FAM241A: variants seen among roughly 807,000 people sequenced by gnomAD.
The protein encoded by FAM241A is family with sequence similarity 241 member A, also known as uncharacterized protein FAM241A.
FAM241A carries 7 observed loss-of-function variants against 12.2 expected under a neutral mutation model. That is an observed-to-expected ratio of 0.58 (90% confidence interval 0.33 to 1.08). FAM241A has a LOEUF of 1.08. FAM241A is among the 50% of genes least tolerant of loss of function. The probability of loss-of-function intolerance (pLI) is 0.04; values close to 1 mark genes in which losing one functional copy is unlikely to be tolerated. For missense variants in FAM241A, 161 were observed against 169.7 expected, an observed-to-expected ratio of 0.95 and a Z score of 0.29; for synonymous variants, 74 against 68.2, an observed-to-expected ratio of 1.08 and a Z score of -0.42.
intron 1 of FAM241A, among the ~76,000 whole-genome samples, chr4:112,162,814 A>G (rs1219240069): frequency 6.6e-6 from 1 of 152,242 alleles, no homozygotes; most frequent in Non-Finnish European, 1.5e-5. Flanking sequence ...CACTACTTTA[A>G]AGTTCATATG....
chr4:112,161,797 T>C (rs546959676), intron 1 of FAM241A, among the ~76,000 whole-genome samples: 1 of 152,344 alleles, frequency 6.6e-6, no homozygotes, highest in Non-Finnish European at 1.5e-5. Context: ...GAATCCTTCC[T>C]AACTCATTTT....
intron 1 of FAM241A, among the ~76,000 whole-genome samples, chr4:112,162,174 C>G (rs1182802674): frequency 1.3e-5 from 2 of 152,148 alleles, no homozygotes; most frequent in African/African-American, 4.8e-5. Context: ...ATAATAAGAG[C>G]TATTTATGAC....
At chr4:112,147,487 G>A (rs375838455) in intron 1 of FAM241A, among the ~76,000 whole-genome samples, 26 of 152,200 alleles carry the variant, frequency 1.7e-4, no homozygotes, top group African/African-American at 5.8e-4. Context: ...TAAAAAGCAA[G>A]CTTTTCTGAT....
chr4:112,159,363 C>A (rs567251016), intron 1 of FAM241A, among the ~76,000 whole-genome samples: 1 of 152,256 alleles, frequency 6.6e-6, no homozygotes, highest in African/African-American at 2.4e-5. Flanking sequence ...AACGCAAATT[C>A]TTTGTGGAAA....
intron 1 of FAM241A, among the ~76,000 whole-genome samples, chr4:112,182,952 C>G (rs1723970304): frequency 6.6e-6 from 1 of 151,176 alleles, no homozygotes; most frequent in Non-Finnish European, 1.5e-5. Flanking sequence ...TTTCCTTTTC[C>G]ACGTTCTTTT....
In FAM241A at chr4:112,149,037, T is replaced by C. The variant is rs549406947; in HGVS notation, c.153+3304T>C. On this transcript the variant is annotated intron_variant, in intron 1 of 1. Coordinates refer to ENST00000309733, the MANE Select transcript of FAM241A (RefSeq NM_152400.3). ...AATGTGTGCTTTGGAAAATTAGAAC[T>C]ATAGAAAGATCTAAAGAAGAAAAAA... Among the ~76,000 whole-genome samples the C allele has an allele frequency of 6.6e-5, 10 of 152,318 alleles. 1 individual carries two copies. In the South Asian group the frequency reaches 2.1e-3, roughly 32 times the overall value.
At chr4:112,148,667 T>G (rs1723186694) in intron 1 of FAM241A, among the ~76,000 whole-genome samples, 2 of 152,208 alleles carry the variant, frequency 1.3e-5, no homozygotes, top group Non-Finnish European at 2.9e-5. Flanking sequence ...TTTCAGGGAA[T>G]GTCCAAGAAA....
At chr4:112,157,396 A>G (rs1197193476) in intron 1 of FAM241A, among the ~76,000 whole-genome samples, 1 of 152,146 alleles carries the variant, frequency 6.6e-6, no homozygotes, top group African/African-American at 2.4e-5. Context: ...ATTCTAAGCA[A>G]TGCCATAGAG....
chr4:112,170,202 C>T (rs1723688162), intron 1 of FAM241A, among the ~76,000 whole-genome samples: 6 of 152,160 alleles, frequency 3.9e-5, no homozygotes, highest in Admixed American at 3.9e-4. Context: ...ACATTCTGCT[C>T]ATGTTAGAAG....
At chr4:112,173,752 C>T (rs1723769107) in intron 1 of FAM241A, among the ~76,000 whole-genome samples, 1 of 152,134 alleles carries the variant, frequency 6.6e-6, no homozygotes, top group African/African-American at 2.4e-5. Context: ...TTCCAGAGAA[C>T]TAGCTACCTA....
chr4:112,158,616 T>C (rs1723400134), intron 1 of FAM241A, among the ~76,000 whole-genome samples: 1 of 152,164 alleles, frequency 6.6e-6, no homozygotes, highest in Non-Finnish European at 1.5e-5. Context: ...ATCATTGGGT[T>C]ATATGCACTA....
rs1272532981 is a variant in FAM241A, at chr4:112,191,462, T to C, written c.*4524T>C. The C allele has an allele frequency of 6.6e-6, 1 of 152,240 alleles. No homozygotes were observed. Among genetic ancestry groups the C allele is most frequent in the Non-Finnish European group, 1.5e-5 (1 of 68,054 alleles). 9.4% of individuals were successfully genotyped at this position (152,240 alleles called of 1,614,324 possible). On this transcript the variant is annotated 3_prime_UTR_variant, in exon 2 of 2. Transcript: ENST00000309733. ...TCGTTATGATAAAGTCCTTATGCCT[T>C]AATATGTTTTACAAGGCTCTTCATG...
chr4:112,186,177 T>C (rs1724035315), intron 1 of FAM241A, among the ~76,000 whole-genome samples: 1 of 152,210 alleles, frequency 6.6e-6, no homozygotes, highest in African/African-American at 2.4e-5. Flanking sequence ...ATTAAAACTA[T>C]TTGTTTCTCC....
At position 112,194,295 on chromosome 4, in the gene FAM241A, C is replaced by T. The variant is rs1212767579; in HGVS notation, c.*7357C>T. On this transcript the variant is annotated 3_prime_UTR_variant, in exon 2 of 2. Transcript: ENST00000309733. ...GATATACAATCATGTCATCTGCAAA[C>T]AGGGACAATTTGACTTCCTCTTTTC... is the stretch of plus-strand genomic sequence containing the variant. The T allele has an allele frequency of 5.9e-5, 9 of 151,940 alleles. No individual in the cohort carries two copies. Among genetic ancestry groups the T allele is most frequent in the Non-Finnish European group, 1.3e-4 (9 of 67,984 alleles). 9.4% of individuals were successfully genotyped at this position (151,940 alleles called of 1,614,324 possible). A position where few individuals can be genotyped will look rare whatever the true frequency, so the allele number is the denominator to read the frequency against.
In FAM241A at chr4:112,177,471, T is replaced by C. The variant is rs149748242; in HGVS notation, c.154-9222T>C. 2.6e-5 allele frequency among the ~76,000 whole-genome samples: 4 copies of C among 152,264 alleles called. No homozygotes were observed. The East Asian group carries it at 5.8e-4, about 22-fold the overall frequency. ...AATAACCAGGTTCACATCATAGATCTTTCAATTACTAAGTATAGGTCAGTG... is the reference window on the plus strand; with the variant it reads ...AATAACCAGGTTCACATCATAGATCCTTCAATTACTAAGTATAGGTCAGTG... On this transcript the variant is annotated intron_variant, in intron 1 of 1. Coordinates refer to ENST00000309733, the MANE Select transcript of FAM241A (RefSeq NM_152400.3).
At chr4:112,184,258 A>T (rs965451978) in intron 1 of FAM241A, among the ~76,000 whole-genome samples, 1 of 152,230 alleles carries the variant, frequency 6.6e-6, no homozygotes, top group Non-Finnish European at 1.5e-5. Flanking sequence ...GGCCGGGCAC[A>T]GTGGCTCACG....
In FAM241A at chr4:112,192,280, C is replaced by T. The variant is rs1160838586; in HGVS notation, c.*5342C>T. Reference sequence around the variant, plus strand: ...ACGGTCACTGATACTACCAGAACTTCACTTTTGTTCAGTATTTTTTAATAG... The same window carrying T: ...ACGGTCACTGATACTACCAGAACTTTACTTTTGTTCAGTATTTTTTAATAG... On this transcript the variant is annotated 3_prime_UTR_variant, in exon 2 of 2. Coordinates refer to ENST00000309733, the MANE Select transcript of FAM241A (RefSeq NM_152400.3). 6.6e-6 allele frequency: 1 copy of T among 152,068 alleles called. No homozygotes were observed. The highest frequency in any genetic ancestry group is 1.5e-5 in the Non-Finnish European group (1 of 68,012). The allele number at this position is 152,068 out of a possible 1,614,324, so 9.4% of individuals were successfully genotyped here.
rs1222602784 is a variant in FAM241A, at chr4:112,195,171, T to G, written c.*8233T>G. On this transcript the variant is annotated 3_prime_UTR_variant, in exon 2 of 2. Coordinates refer to ENST00000309733, the MANE Select transcript of FAM241A (RefSeq NM_152400.3). Reference sequence around the variant, plus strand: ...TTAGGCTCCAGAAGAAATCCACTATTACAGTGTCCTAGTAGCCCAGACATA... The same window carrying G: ...TTAGGCTCCAGAAGAAATCCACTATGACAGTGTCCTAGTAGCCCAGACATA... The G allele has an allele frequency of 6.6e-6, 1 of 152,256 alleles. No homozygotes were observed. Among genetic ancestry groups the G allele is most frequent in the Non-Finnish European group, 1.5e-5 (1 of 68,048 alleles). The allele number at this position is 152,256 out of a possible 1,614,324, so 9.4% of individuals were successfully genotyped here.
rs761096783 is a variant in FAM241A, at chr4:112,166,133, A to G, written c.153+20400A>G. On this transcript the variant is annotated intron_variant, in intron 1 of 1. Coordinates refer to ENST00000309733, the MANE Select transcript of FAM241A (RefSeq NM_152400.3). Reference sequence around the variant, plus strand: ...GTGATCTCGGCTCACTGCAAGCTCTACTTCCCGGGTTCACACCATTCTCCT... The same window carrying G: ...GTGATCTCGGCTCACTGCAAGCTCTGCTTCCCGGGTTCACACCATTCTCCT... Among the ~76,000 whole-genome samples the G allele has an allele frequency of 5.6e-5, 8 of 142,356 alleles. No homozygotes were observed. In the East Asian group the frequency reaches 1.7e-3, roughly 30 times the overall value. 93.4% of individuals were successfully genotyped at this position (142,356 alleles called of 152,430 possible). A position where few individuals can be genotyped will look rare whatever the true frequency, so the allele number is the denominator to read the frequency against.
Sources: gnomAD v4.1 joint callset for allele counts (sites outside exome capture counted in the v4.1 genomes callset) on GRCh38, gnomAD v4.1.1 for gene constraint, MANE v1.5 for transcripts, NCBI Gene and HGNC (gene_info 2026-07-23, HGNC 2026-07-21) for gene names.